PARP1: variants seen among roughly 807,000 people sequenced by gnomAD.
The protein encoded by PARP1 is poly [ADP-ribose] polymerase 1.
In PARP1, 44 loss-of-function variants were observed where a neutral mutation model predicts 118.7. That is an observed-to-expected ratio of 0.37 (90% CI 0.29 to 0.48). The LOEUF is 0.48. Among genes scored for constraint, PARP1 ranks in the 20% least tolerant of loss-of-function variants. PARP1 has a pLI of 0.99. For synonymous variants in PARP1, 492 were observed against 483.2 expected, an observed-to-expected ratio of 1.02 and a Z score of -0.24; for missense variants, 1,100 against 1,272.4, an observed-to-expected ratio of 0.86 and a Z score of 2.06.
At chr1:226,405,549 G>A (rs1665130656) in intron 1 of PARP1, among the ~76,000 whole-genome samples, 1 of 152,008 alleles carries the variant, frequency 6.6e-6, no homozygotes, top group African/African-American at 2.4e-5. Context: ...TAAGTAATCT[G>A]CCCACCCCAG....
In PARP1 at chr1:226,361,451, C is replaced by T; in HGVS notation, c.*9G>A. On this transcript the variant is annotated 3_prime_UTR_variant, in exon 23 of 23. Transcript: ENST00000366794. ...GAGCCACCGGGTGTGACTCGGCTAC[C>T]TCTCCCAATTACCACAGGGAGGTCT... is the stretch of plus-strand genomic sequence containing the variant. 6.3e-7 allele frequency: 1 copy of T among 1,591,948 alleles called. No individual in the cohort carries two copies. The highest frequency in any genetic ancestry group is 1.3e-5 in the African/African-American group (1 of 74,560).
rs1016621866 is a variant in PARP1, at chr1:226,362,335, G to A, written c.2849-252C>T. ...TGAGTAGCTGGGATTACAGGTGCGC[G>A]CCACCACACCCAGCTAATTTTCTGT... On this transcript the variant is annotated intron_variant, in intron 21 of 22. Coordinates refer to ENST00000366794, the MANE Select transcript of PARP1 (RefSeq NM_001618.4). 2.6e-4 allele frequency: 119 copies of A among 456,308 alleles called. 1 individual carries two copies. The Middle Eastern group carries it at 4.6e-3, about 18-fold the overall frequency. The allele number at this position is 456,308 out of a possible 1,614,324, so 28.3% of individuals were successfully genotyped here.
At position 226,368,325 on chromosome 1, in the gene PARP1, G is replaced by A; in HGVS notation, c.2155-4C>T. 1 of 1,614,170 alleles carries A rather than the reference G, an allele frequency of 6.2e-7. No homozygotes were observed. The highest frequency in any genetic ancestry group is 1.1e-5 in the South Asian group (1 of 91,088). ...CGCTGCTGCCCTGAGACACCGCCTG[G>A]AGAGGAGGGGACAGAAGGAATGCAA... On this transcript the variant is annotated splice_region_variant and splice_polypyrimidine_tract_variant and intron_variant, in intron 15 of 22. Coordinates refer to ENST00000366794, the MANE Select transcript of PARP1 (RefSeq NM_001618.4).
At chr1:226,363,052 T>C in intron 21 of PARP1, 47 bp downstream of exon 21, 1 of 1,370,686 alleles carries the variant, frequency 7.3e-7, no homozygotes, top group African/African-American at 1.4e-5. Flanking sequence ...GCTTCTGTGC[T>C]GTCCAGGGTG....
At chr1:226,407,717 T>A in intron 1 of PARP1, 93 bp downstream of exon 1, 9 of 1,076,948 alleles carry the variant, frequency 8.4e-6, no homozygotes, top group East Asian at 5.8e-5. Context: ...CCGGGCCCGC[T>A]CGCTCCCTGG....
At chr1:226,391,307 C>T (rs2102741567) in intron 3 of PARP1, among the ~76,000 whole-genome samples, 1 of 152,206 alleles carries the variant, frequency 6.6e-6, no homozygotes, top group South Asian at 2.1e-4. Flanking sequence ...CCTCCTTAGT[C>T]TCTTTACAGA....
chr1:226,407,664 G>A lies in PARP1; in HGVS notation c.120+146C>T, dbSNP rs535811609. On this transcript the variant is annotated intron_variant, in intron 1 of 22. Transcript: ENST00000366794. ...GGTCGGCCGGGCCGCTCGGGAGGAG[G>A]GGCGGCCGCGGCCCCATAGGCCCCA... The A allele has an allele frequency of 2.2e-4, 152 of 701,536 alleles. 5 individuals are homozygous for A. In the South Asian group the frequency reaches 4.4e-3, roughly 20 times the overall value. 43.5% of individuals were successfully genotyped at this position (701,536 alleles called of 1,614,324 possible).
chr1:226,380,453 C>A (rs1364202249), intron 9 of PARP1, among the ~76,000 whole-genome samples: 1 of 152,210 alleles, frequency 6.6e-6, no homozygotes, highest in African/African-American at 2.4e-5. Flanking sequence ...ATCCTGTATT[C>A]TATTTCTCTG....
Position 226,374,238 on chromosome 1 carries a change from C to T in PARP1, c.2058G>A (p.Met686Ile), listed in dbSNP as rs1412206170. Residue 686 changes from methionine to isoleucine, a missense_variant, in exon 14 of 23, where the codon ATG (methionine) becomes ATA (isoleucine). Transcript: ENST00000366794. Reference protein sequence around the residue: ...IFDVESMKKAMVEYEIDLQKM... With the variant: ...IFDVESMKKAIVEYEIDLQKM... ...AAAGCGCAATAACCTCATACTCCAC[C>T]ATGGCTTTCTTCATACTTTCCACAT... 2 of 1,614,160 alleles carry T rather than the reference C, an allele frequency of 1.2e-6. No individual in the cohort carries two copies. Among genetic ancestry groups the T allele is most frequent in the Non-Finnish European group, 1.7e-6 (2 of 1,180,034 alleles).
intron 7 of PARP1, 37 bp from the exon 8 acceptor site, chr1:226,383,220 T>G (rs922538270): frequency 1.3e-6 from 2 of 1,582,918 alleles, no homozygotes; most frequent in South Asian, 2.2e-5. Context: ...AAGCCAGCTC[T>G]CCCTTGAGGT....
Position 226,360,865 on chromosome 1 carries a change from G to C in PARP1, c.*595C>G. 1 of 227,862 alleles carries C rather than the reference G, an allele frequency of 4.4e-6. No homozygotes were observed. The highest frequency in any genetic ancestry group is 8.7e-6 in the Non-Finnish European group (1 of 114,760). 14.1% of individuals were successfully genotyped at this position (227,862 alleles called of 1,614,324 possible). A position where few individuals can be genotyped will look rare whatever the true frequency, so the allele number is the denominator to read the frequency against. Reference sequence around the variant, plus strand: ...TCCCATGTTCAGTATTCCTGGAGAAGGAAAGCTCTTTTTGTTTCTAAGTAT... The same window carrying C: ...TCCCATGTTCAGTATTCCTGGAGAACGAAAGCTCTTTTTGTTTCTAAGTAT... On this transcript the variant is annotated 3_prime_UTR_variant, in exon 23 of 23. Transcript: ENST00000366794.
intron 5 of PARP1, 21 bp from the exon 6 acceptor site, chr1:226,386,463 C>T: frequency 1.4e-6 from 2 of 1,450,972 alleles, no homozygotes; most frequent in African/African-American, 1.4e-5. Context: ...GACCCAGTGG[C>T]TGAGAGGCTA....
chr1:226,392,898 C>A, intron 2 of PARP1: 1 of 1,558,152 alleles, frequency 6.4e-7, no homozygotes, highest in Non-Finnish European at 8.6e-7. Context: ...AATAAATTCC[C>A]AGGTTGAATG....
At chr1:226,370,988 G>T in intron 14 of PARP1, 1 of 218,950 alleles carries the variant, frequency 4.6e-6, no homozygotes. Context: ...TTTTTAAAAA[G>T]GACACACTCC....
At chr1:226,397,889 A>C (rs1664955316) in intron 2 of PARP1, among the ~76,000 whole-genome samples, 1 of 152,168 alleles carries the variant, frequency 6.6e-6, no homozygotes. Flanking sequence ...TTTGACAAAA[A>C]AGTAAAGGCA....
Position 226,366,020 on chromosome 1 carries a change from G to A in PARP1, c.2439C>T (p.Ile813=). ...VVDRDSEEAE[I]IRKYVKNTHA... is the part of the protein sequence containing the mutation. ...GAGTGTTCTTAACATACTTCCTGATGATCTCGGCTTCTTCAGAATCTCTGT... is the reference window on the plus strand; with the variant it reads ...GAGTGTTCTTAACATACTTCCTGATAATCTCGGCTTCTTCAGAATCTCTGT... Residue 813 remains isoleucine (I), a synonymous_variant, in exon 18 of 23, where the codon ATC becomes ATT. Transcript: ENST00000366794. 1.2e-6 allele frequency: 2 copies of A among 1,613,410 alleles called. No homozygotes were observed. The highest frequency in any genetic ancestry group is 2.2e-5 in the South Asian group (2 of 91,066).
At chr1:226,365,844 GTTAT>G (rs1339963190) in intron 18 of PARP1, 106 bp downstream of exon 18, 11 of 737,724 alleles carry the variant, frequency 1.5e-5, no homozygotes, top group Non-Finnish European at 2.5e-5. Context: ...ACTTCTTTGG[GTTAT>G]TTAAAGTAAA....
intron 8 of PARP1, 145 bp from the exon 9 acceptor site, chr1:226,381,353 G>T: frequency 1.1e-6 from 1 of 874,412 alleles, no homozygotes; most frequent in Non-Finnish European, 1.9e-6. Context: ...GGACGGGACA[G>T]CAAGCTGCCA....
intron 4 of PARP1, 25 bp from the exon 5 acceptor site, chr1:226,388,780 G>C: frequency 6.4e-7 from 1 of 1,559,324 alleles, no homozygotes; most frequent in Non-Finnish European, 8.8e-7. Context: ...GGATATGAGA[G>C]ACAGCCAGAG....
Sources: allele counts gnomAD v4.1 joint callset (sites outside exome capture counted in the v4.1 genomes callset), GRCh38; gene constraint gnomAD v4.1.1; transcripts MANE v1.5; gene names NCBI Gene and HGNC (gene_info 2026-07-23, HGNC 2026-07-21).